BMP6: variants seen among roughly 807,000 people sequenced by gnomAD.
BMP6 encodes bone morphogenetic protein 6.
BMP6 carries 17 observed loss-of-function variants against 54.1 expected under a neutral mutation model. That is an observed-to-expected ratio of 0.31 (90% confidence interval 0.22 to 0.47). The LOEUF (loss-of-function observed/expected upper bound fraction) is 0.47. Among genes scored for constraint, BMP6 ranks in the 20% least tolerant of loss-of-function variants. BMP6 has a pLI of 1.00. For missense variants in BMP6, 720 were observed against 690.4 expected (o/e 1.04, Z -0.48); for synonymous variants, 328 against 291.2 (o/e 1.13, Z -1.28).
In BMP6 at chr6:7,821,749, C is replaced by T. The variant is rs80220800; in HGVS notation, c.665-23391C>T. Among the ~76,000 whole-genome samples the T allele has an allele frequency of 6.4e-3, 972 of 152,206 alleles. 14 individuals carry two copies. Among genetic ancestry groups the T allele is most frequent in the African/African-American group, 0.021 (875 of 41,506 alleles). On this transcript the variant is annotated intron_variant, in intron 1 of 6. Transcript: ENST00000283147. The stretch of plus-strand genomic sequence containing the variant: ...TATAAAGATGCAGTAAGATCGTGCA[C>T]GTATGCCACTTTGCAAACCATTTGG...
chr6:7,833,253 T>C (rs1264165939), intron 1 of BMP6, among the ~76,000 whole-genome samples: 1 of 152,226 alleles, frequency 6.6e-6, no homozygotes, highest in Admixed American at 6.5e-5. Context: ...ACTTTCAACG[T>C]GACTGATGTG....
chr6:7,874,922 T>C (rs1759583320), intron 4 of BMP6, among the ~76,000 whole-genome samples: 1 of 112,554 alleles, frequency 8.9e-6, no homozygotes, highest in Admixed American at 9.9e-5. Context: ...CAATAGGATA[T>C]ATGGAGATAT....
At chr6:7,835,042 T>C (rs1303039062) in intron 1 of BMP6, among the ~76,000 whole-genome samples, 1 of 152,134 alleles carries the variant, frequency 6.6e-6, no homozygotes, top group East Asian at 1.9e-4. Flanking sequence ...CACAAAACAC[T>C]GTAGCAAATG....
At chr6:7,786,143 G>A (rs576716812) in intron 1 of BMP6, among the ~76,000 whole-genome samples, 4 of 152,278 alleles carry the variant, frequency 2.6e-5, no homozygotes, top group African/African-American at 9.6e-5. Flanking sequence ...AAGATTTCCT[G>A]ATAGTGAAGT....
chr6:7,873,403 T>C (rs1350133849), intron 4 of BMP6, among the ~76,000 whole-genome samples: 1 of 152,198 alleles, frequency 6.6e-6, no homozygotes, highest in Non-Finnish European at 1.5e-5. Flanking sequence ...GTCAAGGGGA[T>C]AGGCATGGGT....
At chr6:7,800,082 GTGTGTGTGTGT>G (rs1561775718) in intron 1 of BMP6, among the ~76,000 whole-genome samples, 472 of 38,092 alleles carry the variant, frequency 0.012, 3 homozygotes, top group African/African-American at 0.06. Context: ...AGGAAGGGGT[GTGTGTGTGTGT>G]GTGTGTGTGT....
Position 7,879,156 on chromosome 6 carries a change from T to C in BMP6, c.1281+6T>C. ...TCCAAGACCTGGGATGGCAGGTGAGTTCTCTGGACACGGGGGATAAAGGTC... is the reference window on the plus strand; with the variant it reads ...TCCAAGACCTGGGATGGCAGGTGAGCTCTCTGGACACGGGGGATAAAGGTC... On this transcript the variant is annotated splice_donor_region_variant and intron_variant, in intron 5 of 6. Coordinates refer to ENST00000283147, the MANE Select transcript of BMP6 (RefSeq NM_001718.6). 6.2e-7 allele frequency: 1 copy of C among 1,611,890 alleles called. No homozygotes were observed. The highest frequency in any genetic ancestry group is 8.5e-7 in the Non-Finnish European group (1 of 1,178,020).
chr6:7,800,073 G>A (rs9942510), intron 1 of BMP6, among the ~76,000 whole-genome samples: 29,876 of 141,608 alleles, frequency 0.21, 3,386 homozygotes, highest in African/African-American at 0.33. Context: ...TTACGATAAA[G>A]GAAGGGGTGT....
intron 2 of BMP6, among the ~76,000 whole-genome samples, chr6:7,850,910 G>T (rs1396068120): frequency 6.6e-6 from 1 of 152,114 alleles, no homozygotes; most frequent in Non-Finnish European, 1.5e-5. Context: ...TGCTTTAGTG[G>T]CAACTTTCTC....
intron 4 of BMP6, among the ~76,000 whole-genome samples, chr6:7,862,841 T>C (rs114049557): frequency 9.3e-4 from 142 of 152,306 alleles, no homozygotes; most frequent in African/African-American, 3.4e-3. Flanking sequence ...AGTTGCGTTA[T>C]GCTGGGGGGT....
chr6:7,762,426 G>T (rs1404606155), intron 1 of BMP6, among the ~76,000 whole-genome samples: 2 of 152,136 alleles, frequency 1.3e-5, no homozygotes, highest in South Asian at 2.1e-4. Flanking sequence ...ATAGTCTTTC[G>T]CAGTAGTCCT....
chr6:7,770,433 C>T (rs556785961), intron 1 of BMP6, among the ~76,000 whole-genome samples: 12 of 152,166 alleles, frequency 7.9e-5, no homozygotes, highest in African/African-American at 2.7e-4. Context: ...GTGACCTACC[C>T]GGTAAAGATT....
rs190536918 is a variant in BMP6, at chr6:7,779,845, G to A, written c.664+52226G>A. 6.0e-3 allele frequency among the ~76,000 whole-genome samples: 913 copies of A among 152,298 alleles called. 5 individuals carry two copies. The highest frequency in any genetic ancestry group is 9.4e-3 in the Non-Finnish European group (642 of 68,024). ...GCAAAGAGATGCCATCTGAGGTCAG[G>A]AAGGGATTGATGAGAAACAGCCTTT... On this transcript the variant is annotated intron_variant, in intron 1 of 6. Transcript: ENST00000283147.
At chr6:7,835,308 G>C (rs1215274230) in intron 1 of BMP6, among the ~76,000 whole-genome samples, 1 of 152,148 alleles carries the variant, frequency 6.6e-6, no homozygotes, top group Non-Finnish European at 1.5e-5. Flanking sequence ...ATTTTTAGTA[G>C]AGATGGGGTT....
At chr6:7,802,267 G>A (rs1758280050) in intron 1 of BMP6, among the ~76,000 whole-genome samples, 1 of 152,178 alleles carries the variant, frequency 6.6e-6, no homozygotes. Flanking sequence ...GAGCCCAATG[G>A]GAAGAGTGTC....
intron 1 of BMP6, among the ~76,000 whole-genome samples, chr6:7,731,504 G>A (rs1223684953): frequency 6.6e-6 from 1 of 152,110 alleles, no homozygotes; most frequent in Non-Finnish European, 1.5e-5. Flanking sequence ...TCCCCTGTAG[G>A]ATGTCAGCCT....
chr6:7,870,439 C>T (rs552509872), intron 4 of BMP6, among the ~76,000 whole-genome samples: 2 of 152,188 alleles, frequency 1.3e-5, no homozygotes, highest in Non-Finnish European at 2.9e-5. Context: ...GTATTGGAAA[C>T]ATAAAGGCTT....
intron 1 of BMP6, among the ~76,000 whole-genome samples, chr6:7,728,353 C>T (rs1456408572): frequency 1.3e-5 from 2 of 152,196 alleles, no homozygotes; most frequent in Admixed American, 6.5e-5. Context: ...CCAAGCTGCA[C>T]GGGCAGAGAA....
chr6:7,870,589 G>A (rs1179387204), intron 4 of BMP6, among the ~76,000 whole-genome samples: 1 of 151,992 alleles, frequency 6.6e-6, no homozygotes, highest in Non-Finnish European at 1.5e-5. Context: ...CCTTCCTTAG[G>A]GGAAACAGGC....
Sources: allele counts gnomAD v4.1 joint callset (sites outside exome capture counted in the v4.1 genomes callset), GRCh38; gene constraint gnomAD v4.1.1; transcripts MANE v1.5; gene names NCBI Gene and HGNC (gene_info 2026-07-23, HGNC 2026-07-21).